Variants in MYO1E observed in about 807,000 individuals in gnomAD.
MYO1E encodes unconventional myosin-Ie.
A neutral mutation model predicts 151.1 loss-of-function variants in MYO1E; 68 were observed. The observed-to-expected ratio is 0.45, with a 90% confidence interval of 0.37 to 0.55. The LOEUF (loss-of-function observed/expected upper bound fraction) is 0.55, where lower values mean the gene tolerates loss of function less well. MYO1E is among the 20% of genes least tolerant of loss of function. The pLI is 0.00. For synonymous variants in MYO1E, 601 were observed against 501.7 expected, an observed-to-expected ratio of 1.20 and a Z score of -2.64; for missense variants, 1,363 against 1,389.3, an observed-to-expected ratio of 0.98 and a Z score of 0.30.
intron 1 of MYO1E, among the ~76,000 whole-genome samples, chr15:59,361,352 C>G (rs1255340963): frequency 6.6e-6 from 1 of 152,184 alleles, no homozygotes; most frequent in Non-Finnish European, 1.5e-5. Context: ...GAAAAGGTGG[C>G]TAAGCAGAGC....
intron 1 of MYO1E, among the ~76,000 whole-genome samples, chr15:59,315,335 A>G (rs2080581226): frequency 6.6e-6 from 1 of 152,048 alleles, no homozygotes; most frequent in Non-Finnish European, 1.5e-5. Flanking sequence ...TGCCATCCCC[A>G]TCCACGTAAA....
chr15:59,170,037 T>G (rs2079583063), intron 22 of MYO1E, among the ~76,000 whole-genome samples: 1 of 152,134 alleles, frequency 6.6e-6, no homozygotes, highest in Non-Finnish European at 1.5e-5. Flanking sequence ...GGCTCAGGCC[T>G]GTAATCCCAG....
intron 2 of MYO1E, among the ~76,000 whole-genome samples, chr15:59,265,441 A>G (rs1011623235): frequency 6.6e-6 from 1 of 152,104 alleles, no homozygotes; most frequent in Non-Finnish European, 1.5e-5. Flanking sequence ...TTAAGTCTTG[A>G]TTTTTCACCA....
At chr15:59,246,973 G>A (rs1232983479) in intron 4 of MYO1E, among the ~76,000 whole-genome samples, 1 of 152,078 alleles carries the variant, frequency 6.6e-6, no homozygotes, top group Non-Finnish European at 1.5e-5. Flanking sequence ...AATGACAAAG[G>A]GTTAGTTTTA....
rs1400948189 is a variant in MYO1E at position 59,216,671 on chromosome 15, T to TGTG, written c.1107+1219_1107+1220insCAC. 7.4e-3 allele frequency among the ~76,000 whole-genome samples: 200 copies of TGTG among 27,104 alleles called. 9 individuals are homozygous for TGTG. The highest frequency in any genetic ancestry group is 0.022 in the African/African-American group (187 of 8,640). 17.8% of individuals were successfully genotyped at this position (27,104 alleles called of 152,430 possible). ...GTGTGTGTGTGTGTGTATGTGTATA[T>TGTG]ATATATATATATATACACATACACA... On this transcript the variant is annotated intron_variant, in intron 10 of 27. Transcript: ENST00000288235.
intron 10 of MYO1E, 62 bp downstream of exon 10, chr15:59,217,829 A>G: frequency 6.3e-7 from 1 of 1,575,832 alleles, no homozygotes; most frequent in South Asian, 1.1e-5. Flanking sequence ...CACCCAGCCT[A>G]CTAGTTTTAC....
At chr15:59,252,122 T>C (rs2080168452) in intron 4 of MYO1E, among the ~76,000 whole-genome samples, 1 of 152,342 alleles carries the variant, frequency 6.6e-6, no homozygotes, top group Admixed American at 6.5e-5. Context: ...CTCTGAAATC[T>C]TAAAAATTAA....
chr15:59,226,930 G>A (rs1255064277), intron 7 of MYO1E, among the ~76,000 whole-genome samples: 3 of 152,200 alleles, frequency 2.0e-5, no homozygotes, highest in Non-Finnish European at 2.9e-5. Flanking sequence ...GAGGGTCTAG[G>A]TGGCAACTTT....
intron 26 of MYO1E, among the ~76,000 whole-genome samples, chr15:59,149,061 T>TTTG: frequency 7.1e-6 from 1 of 140,112 alleles, no homozygotes; most frequent in African/African-American, 2.8e-5. Flanking sequence ...TGTTTTTTTT[T>TTTG]TTTTTTTTTT....
At chr15:59,210,113 C>A (rs899616792) in intron 13 of MYO1E, among the ~76,000 whole-genome samples, 1 of 152,056 alleles carries the variant, frequency 6.6e-6, no homozygotes, top group African/African-American at 2.4e-5. Context: ...AGCGATCCAC[C>A]TGCCTCAGCC....
At chr15:59,341,988 G>A (rs940807538) in intron 1 of MYO1E, among the ~76,000 whole-genome samples, 5 of 152,246 alleles carry the variant, frequency 3.3e-5, no homozygotes, top group Non-Finnish European at 7.4e-5. Flanking sequence ...TTCCACCAAC[G>A]GTGTATGAGA....
rs765492175 is a variant in MYO1E, at chr15:59,207,657, C to T, written c.1530+1024G>A. The T allele has an allele frequency of 4.0e-5, 65 of 1,613,978 alleles. No individual in the cohort carries two copies. In the East Asian group the frequency reaches 1.1e-3, roughly 28 times the overall value. On this transcript the variant is annotated intron_variant, in intron 14 of 27. Transcript: ENST00000288235. Reference sequence around the variant, plus strand: ...CTGAAAGCTGCCATGGATGGATCCTCGGAGAGCATGGAGACTCAAGTGTTC... The same window carrying T: ...CTGAAAGCTGCCATGGATGGATCCTTGGAGAGCATGGAGACTCAAGTGTTC...
chr15:59,245,538 C>CA (rs1264958783), intron 4 of MYO1E, among the ~76,000 whole-genome samples: 8 of 152,142 alleles, frequency 5.3e-5, no homozygotes, highest in African/African-American at 1.7e-4. Context: ...ATGCACCTGA[C>CA]AAAGACTTTG....
At chr15:59,177,506 C>A (rs1401322839) in intron 19 of MYO1E, among the ~76,000 whole-genome samples, 1 of 152,174 alleles carries the variant, frequency 6.6e-6, no homozygotes, top group Non-Finnish European at 1.5e-5. Flanking sequence ...TGATTTCTGC[C>A]AAGTTCATCA....
At chr15:59,195,423 A>C (rs1295288170) in intron 17 of MYO1E, 38 bp downstream of exon 17, 2 of 1,547,552 alleles carry the variant, frequency 1.3e-6, no homozygotes, top group Non-Finnish European at 1.8e-6. Context: ...CAGAGGGAAA[A>C]AGGTCCCGGC....
chr15:59,197,266 T>G (rs1020212678), intron 16 of MYO1E, among the ~76,000 whole-genome samples: 4 of 152,338 alleles, frequency 2.6e-5, no homozygotes, highest in African/African-American at 9.6e-5. Flanking sequence ...GTGCTGGGAT[T>G]ACAGGCGTGA....
chr15:59,325,106 C>G (rs1479165732), intron 1 of MYO1E, among the ~76,000 whole-genome samples: 1 of 152,008 alleles, frequency 6.6e-6, no homozygotes, highest in Non-Finnish European at 1.5e-5. Flanking sequence ...ACAATCTCAG[C>G]TCACTGCAAC....
chr15:59,185,552 C>A (rs1321189370), intron 18 of MYO1E, among the ~76,000 whole-genome samples: 1 of 152,188 alleles, frequency 6.6e-6, no homozygotes, highest in Non-Finnish European at 1.5e-5. Flanking sequence ...TAGGTGTGAG[C>A]CACCGTGCCC....
intron 1 of MYO1E, among the ~76,000 whole-genome samples, chr15:59,274,169 TAC>T (rs1304341682): frequency 2.0e-5 from 3 of 152,158 alleles, no homozygotes; most frequent in African/African-American, 4.8e-5. Flanking sequence ...AGGAAAAGTG[TAC>T]AGTGTCATGG....
Sources: allele counts gnomAD v4.1 joint callset (sites outside exome capture counted in the v4.1 genomes callset), GRCh38; gene constraint gnomAD v4.1.1; transcripts MANE v1.5; gene names NCBI Gene and HGNC (gene_info 2026-07-23, HGNC 2026-07-21).